HYDIN: variants seen among roughly 807,000 people sequenced by gnomAD.
HYDIN encodes the protein HYDIN axonemal central pair apparatus protein.
Under a neutral mutation model 403.9 loss-of-function variants are expected in HYDIN, and 132 were observed. That is an observed-to-expected ratio of 0.33 (90% CI 0.28 to 0.38). The LOEUF is 0.38. HYDIN is among the 10% of genes least tolerant of loss of function. HYDIN has a pLI of 1.00. For synonymous variants in HYDIN, 1,202 were observed against 1,891.7 expected (o/e 0.64, Z 9.46); for missense variants, 2,827 against 5,009.5 (o/e 0.56, Z 13.15).
chr16:71,219,368 C>T (rs2089071544), intron 1 of HYDIN, among the ~76,000 whole-genome samples: 1 of 151,910 alleles, frequency 6.6e-6, no homozygotes, highest in South Asian at 2.1e-4. Context: ...ATTGCTTTTT[C>T]TAGTCATTTC....
intron 21 of HYDIN, among the ~76,000 whole-genome samples, chr16:71,024,671 C>A (rs1385716062): frequency 1.4e-5 from 2 of 138,072 alleles, no homozygotes; most frequent in Non-Finnish European, 3.1e-5. Context: ...TATCTAGGGG[C>A]AGGTCAAGCC....
intron 6 of HYDIN, among the ~76,000 whole-genome samples, chr16:71,158,229 G>C (rs576654647): frequency 2.0e-5 from 3 of 152,314 alleles, no homozygotes; most frequent in Admixed American, 6.5e-5. Flanking sequence ...GGGGGAGTTT[G>C]GGTAAGTCAT....
intron 18 of HYDIN, among the ~76,000 whole-genome samples, chr16:71,058,740 T>C (rs971720899): frequency 6.6e-6 from 1 of 152,100 alleles, no homozygotes; most frequent in African/African-American, 2.4e-5. Flanking sequence ...AATGTCATTA[T>C]GAAATACAGT....
At chr16:70,850,859 G>C (rs113962115) in intron 73 of HYDIN, among the ~76,000 whole-genome samples, 3 of 152,204 alleles carry the variant, frequency 2.0e-5, no homozygotes, top group African/African-American at 7.2e-5. Context: ...GAAAAAGATA[G>C]AGATCCTAGA....
At chr16:70,917,914 A>T (rs1165584825) in intron 47 of HYDIN, among the ~76,000 whole-genome samples, 1 of 152,140 alleles carries the variant, frequency 6.6e-6, no homozygotes, top group Admixed American at 6.5e-5. Flanking sequence ...GATGTGCTGC[A>T]GGGTAACTTG....
At position 70,938,540 on chromosome 16, in the gene HYDIN, ACCCCG is replaced by A. The variant is rs2077568472; in HGVS notation, c.6995+69_6995+73del. On this transcript the variant is annotated intron_variant, in intron 44 of 85. Coordinates refer to ENST00000393567, the MANE Select transcript of HYDIN (RefSeq NM_001270974.2). ...TGCCTGGAAGATGGCTTGGGCTCACACCCCGGTCCTGGTCACTCTGTGGGGACGGT... is the reference window on the plus strand; with the variant it reads ...TGCCTGGAAGATGGCTTGGGCTCACAGTCCTGGTCACTCTGTGGGGACGGT... 13 of 917,210 alleles carry A rather than the reference ACCCCG, an allele frequency of 1.4e-5. No homozygotes were observed. The Admixed American group carries it at 2.3e-4, about 16-fold the overall frequency. 56.8% of individuals were successfully genotyped at this position (917,210 alleles called of 1,614,324 possible).
intron 9 of HYDIN, among the ~76,000 whole-genome samples, chr16:71,125,210 T>C (rs4788529): frequency 0.33 from 50,199 of 151,852 alleles, 8,813 homozygotes; most frequent in East Asian, 0.57. Context: ...TCTTAAGAGT[T>C]TTCACCTGCT....
At chr16:70,951,281 G>GAGAGAGAGA (rs1567892472) in intron 41 of HYDIN, among the ~76,000 whole-genome samples, 11 of 95,998 alleles carry the variant, frequency 1.1e-4, no homozygotes, top group South Asian at 3.4e-4. Flanking sequence ...AGAGAGAGAG[G>GAGAGAGAGA]GAGAGAGGGA....
chr16:71,077,780 T>C (rs1484189565), intron 13 of HYDIN, among the ~76,000 whole-genome samples: 3 of 151,600 alleles, frequency 2.0e-5, no homozygotes, highest in East Asian at 3.9e-4. Context: ...TAAATATACA[T>C]TACTAAATGA....
At chr16:71,044,791 G>C (rs2081399930) in intron 18 of HYDIN, among the ~76,000 whole-genome samples, 1 of 141,642 alleles carries the variant, frequency 7.1e-6, no homozygotes, top group South Asian at 2.3e-4. Context: ...TTTCTACTAA[G>C]TTGTCTTGTC....
At position 70,964,866 on chromosome 16, in the gene HYDIN, A is replaced by G. The variant is rs1221049451; in HGVS notation, c.5650T>C (p.Tyr1884His). 6.2e-7 allele frequency: 1 copy of G among 1,613,568 alleles called. No homozygotes were observed. Among genetic ancestry groups the G allele is most frequent in the African/African-American group, 1.3e-5 (1 of 74,950 alleles). ...ILRKLKGYDSYNTLLLPPRNP... is the reference protein window; with the variant it reads ...ILRKLKGYDSHNTLLLPPRNP... ...CGGGGAGGCAGCAGCAGGGTGTTGT[A>G]GGAATCATAGCCCTTCAGCTTCCGC... The change falls in exon 37 of 86, where the codon TAC becomes CAC. Residue 1884 changes from tyrosine to histidine, a missense_variant. By Grantham distance (83) the Tyr-to-His change is moderately conservative. Transcript: ENST00000393567.
intron 1 of HYDIN, among the ~76,000 whole-genome samples, chr16:71,201,466 A>G (rs1318908175): frequency 6.6e-6 from 1 of 150,762 alleles, no homozygotes; most frequent in East Asian, 1.9e-4. Context: ...CCCTAAGGAA[A>G]CCCCTCACTC....
At chr16:70,894,101 C>T in intron 55 of HYDIN, 1 of 188,088 alleles carries the variant, frequency 5.3e-6, no homozygotes, top group Non-Finnish European at 1.1e-5. Context: ...GCCTCTTCCC[C>T]TAAGTCTCTT....
At position 71,190,854 on chromosome 16, in the gene HYDIN, T is replaced by C. The variant is rs115553665; in HGVS notation, c.-23-3936A>G. On this transcript the variant is annotated intron_variant, in intron 1 of 85. Transcript: ENST00000393567. ...GACCTACCAGCCCAATTGCAGGAGA[T>C]AGAGGGAAAGAGGAACATGTATGTT... 3.4e-3 allele frequency among the ~76,000 whole-genome samples: 524 copies of C among 152,204 alleles called. 3 individuals carry two copies. Among genetic ancestry groups the C allele is most frequent in the African/African-American group, 0.012 (498 of 41,538 alleles).
chr16:71,126,657 G>C (rs1283576846), intron 9 of HYDIN, among the ~76,000 whole-genome samples: 8 of 152,136 alleles, frequency 5.3e-5, no homozygotes, highest in Admixed American at 4.6e-4. Flanking sequence ...GAGGGGGCTG[G>C]GGGTAGGCCA....
intron 1 of HYDIN, among the ~76,000 whole-genome samples, chr16:71,218,514 A>G (rs1390550444): frequency 6.6e-6 from 1 of 152,258 alleles, no homozygotes; most frequent in Admixed American, 6.5e-5. Flanking sequence ...AGAACACACT[A>G]TCTTTTTCAG....
At chr16:70,937,833 T>G (rs2077539146) in intron 44 of HYDIN, among the ~76,000 whole-genome samples, 1 of 146,702 alleles carries the variant, frequency 6.8e-6, no homozygotes. Flanking sequence ...AGGGAGGAGG[T>G]AGGAAATAGA....
chr16:70,885,092 G>T (rs1342707086), intron 58 of HYDIN, among the ~76,000 whole-genome samples: 1 of 151,464 alleles, frequency 6.6e-6, no homozygotes, highest in East Asian at 1.9e-4. Flanking sequence ...CTACCTATCC[G>T]TGAGTGATAA....
intron 58 of HYDIN, among the ~76,000 whole-genome samples, chr16:70,887,522 A>G (rs932910124): frequency 1.3e-5 from 2 of 152,092 alleles, no homozygotes; most frequent in African/African-American, 4.8e-5. Context: ...AAAAGAATAC[A>G]GCCCTTCCAA....
Sources: allele counts gnomAD v4.1 joint callset (sites outside exome capture counted in the v4.1 genomes callset), GRCh38; gene constraint gnomAD v4.1.1; transcripts MANE v1.5; gene names NCBI Gene and HGNC (gene_info 2026-07-23, HGNC 2026-07-21).